Variants in TG observed in about 807,000 individuals in gnomAD.
TG encodes thyroid hormones.
TG carries 270 observed loss-of-function variants against 324.7 expected under a neutral mutation model. The observed-to-expected ratio is 0.83, with a 90% confidence interval of 0.75 to 0.92. The LOEUF (loss-of-function observed/expected upper bound fraction) is 0.92. TG is among the 40% of genes least tolerant of loss of function. The pLI is 0.00. For synonymous variants in TG, 1,401 were observed against 1,327.0 expected (o/e 1.06, Z -1.21); for missense variants, 3,591 against 3,456.4 (o/e 1.04, Z -0.98).
In TG at chr8:132,994,991, A is replaced by G. The variant is rs1482957630; in HGVS notation, c.6262+11579A>G. The G allele has an allele frequency of 1.1e-5, 11 of 973,690 alleles. No individual in the cohort carries two copies. The South Asian group carries it at 4.0e-4, about 35-fold the overall frequency. 60.3% of individuals were successfully genotyped at this position (973,690 alleles called of 1,614,324 possible). On this transcript the variant is annotated intron_variant, in intron 35 of 47. Transcript: ENST00000220616. ...TTTAAATTTCCCTTTAAATTTTGTA[A>G]TTCTCAGCATTGGCTCAGTTATGCT...
chr8:132,957,383 T>A (rs1428118922), intron 27 of TG, among the ~76,000 whole-genome samples: 2 of 152,144 alleles, frequency 1.3e-5, no homozygotes, highest in Non-Finnish European at 2.9e-5. Flanking sequence ...ACAGAGTGTA[T>A]AAGGTGTCAG....
chr8:133,022,029 C>G lies in TG; in HGVS notation c.6915C>G (p.Thr2305=), dbSNP rs1421015381. The G allele has an allele frequency of 2.5e-6, 4 of 1,614,168 alleles. No individual in the cohort carries two copies. The highest frequency in any genetic ancestry group is 3.4e-6 in the Non-Finnish European group (4 of 1,180,038). ...CTGTGCTGGTGTTCTTCCACAACAC[C>G]ATGGACAGGGAGGAGAGTGAAGGAT... is the stretch of plus-strand genomic sequence containing the variant. The part of the protein sequence containing the change: ...NASVLVFFHN[T]MDREESEGWP... Residue 2305 remains threonine, a synonymous_variant, in exon 40 of 48, where the codon ACC becomes ACG. Coordinates refer to ENST00000220616, the MANE Select transcript of TG (RefSeq NM_003235.5).
chr8:132,984,764 A>C (rs1831313650), intron 35 of TG, among the ~76,000 whole-genome samples: 1 of 152,132 alleles, frequency 6.6e-6, no homozygotes, highest in African/African-American at 2.4e-5. Context: ...CAATATGGTG[A>C]AACTCCATCT....
intron 41 of TG, among the ~76,000 whole-genome samples, chr8:133,056,844 A>G (rs1226428606): frequency 6.6e-6 from 1 of 152,128 alleles, no homozygotes; most frequent in Non-Finnish European, 1.5e-5. Context: ...CAGGACTAAA[A>G]GCTGGTCTGT....
intron 40 of TG, among the ~76,000 whole-genome samples, chr8:133,026,568 G>A (rs1407901074): frequency 6.6e-6 from 1 of 152,186 alleles, no homozygotes; most frequent in Non-Finnish European, 1.5e-5. Context: ...CTGGGGTGGT[G>A]GCATCAGACG....
intron 41 of TG, among the ~76,000 whole-genome samples, chr8:133,041,272 A>G (rs931964746): frequency 6.6e-6 from 1 of 152,212 alleles, no homozygotes; most frequent in Non-Finnish European, 1.5e-5. Context: ...CCCACTTCCC[A>G]TCGGGTTTAT....
At chr8:132,960,618 C>T (rs1424841479) in intron 27 of TG, among the ~76,000 whole-genome samples, 1 of 152,200 alleles carries the variant, frequency 6.6e-6, no homozygotes, top group Non-Finnish European at 1.5e-5. Flanking sequence ...TTCTCAAAAT[C>T]GCTGTCCACA....
In TG at chr8:133,015,413, G is replaced by T. The variant is rs16904804; in HGVS notation, c.6562+1649G>T. The stretch of plus-strand genomic sequence containing the variant: ...ACAGATAATTTTCTTAACCCAGGTA[G>T]TCACGTGGCCTCTGTGGGTATTCTA... On this transcript the variant is annotated intron_variant, in intron 37 of 47. Transcript: ENST00000220616. 5.6e-3 allele frequency among the ~76,000 whole-genome samples: 859 copies of T among 152,334 alleles called. 7 individuals carry two copies. Among genetic ancestry groups the T allele is most frequent in the African/African-American group, 0.02 (820 of 41,580 alleles).
At chr8:132,885,243 A>AT (rs770778560) in intron 8 of TG, among the ~76,000 whole-genome samples, 1 of 151,860 alleles carries the variant, frequency 6.6e-6, no homozygotes, top group Non-Finnish European at 1.5e-5. Flanking sequence ...TGAATTTTAC[A>AT]TTTTTTCTCT....
intron 27 of TG, among the ~76,000 whole-genome samples, chr8:132,956,280 T>A (rs1371264934): frequency 2.0e-5 from 3 of 152,234 alleles, no homozygotes; most frequent in African/African-American, 7.2e-5. Flanking sequence ...CCTTCATTTA[T>A]CCTTGCATTT....
intron 16 of TG, among the ~76,000 whole-genome samples, chr8:132,905,303 A>T (rs1340423818): frequency 2.0e-5 from 3 of 152,168 alleles, no homozygotes; most frequent in Non-Finnish European, 4.4e-5. Context: ...AACTCTTGCC[A>T]TCCCACTTAC....
intron 2 of TG, among the ~76,000 whole-genome samples, chr8:132,869,003 C>CGAGTGTGCA (rs1182282583): frequency 6.6e-5 from 10 of 152,190 alleles, no homozygotes; most frequent in Non-Finnish European, 1.3e-4. Context: ...TAACCTCCCA[C>CGAGTGTGCA]GAGTGTGCAG....
At chr8:133,070,119 G>A (rs1843775209) in intron 41 of TG, among the ~76,000 whole-genome samples, 1 of 151,484 alleles carries the variant, frequency 6.6e-6, no homozygotes, top group African/African-American at 2.4e-5. Flanking sequence ...GCTAGTAAAT[G>A]TCAAACAATC....
intron 25 of TG, 86 bp from the exon 26 acceptor site, chr8:132,941,265 A>G: frequency 3.2e-6 from 5 of 1,544,516 alleles, no homozygotes; most frequent in Non-Finnish European, 3.6e-6. Flanking sequence ...AGCTAAGTCA[A>G]CAAACTGTCC....
chr8:132,903,144 G>A (rs1432643467), intron 16 of TG, among the ~76,000 whole-genome samples: 3 of 152,158 alleles, frequency 2.0e-5, no homozygotes, highest in African/African-American at 7.2e-5. Flanking sequence ...GTCATTTATT[G>A]GCCTTATTGA....
intron 35 of TG, among the ~76,000 whole-genome samples, chr8:133,010,771 C>T (rs1916275): frequency 0.091 from 13,915 of 152,208 alleles, 817 homozygotes; most frequent in Middle Eastern, 0.15. Context: ...ATGGGACGAG[C>T]TCACCTCCTC....
chr8:133,094,994 G>A, intron 41 of TG, 50 bp from the exon 42 acceptor site: 1 of 1,611,464 alleles, frequency 6.2e-7, no homozygotes, highest in Middle Eastern at 2.2e-4. Context: ...AGGTGAGCAG[G>A]GGCTGAAGAT....
chr8:132,914,676 C>T (rs2739054), intron 20 of TG, among the ~76,000 whole-genome samples: 61,932 of 152,104 alleles, frequency 0.41, 15,548 homozygotes, highest in Admixed American at 0.53. Context: ...ACAGGAGGGA[C>T]TGTAGCTCAC....
chr8:133,043,535 A>C (rs1838727422), intron 41 of TG, among the ~76,000 whole-genome samples: 1 of 152,208 alleles, frequency 6.6e-6, no homozygotes, highest in South Asian at 2.1e-4. Context: ...AACGCACTAC[A>C]TGAACGATTG....
Sources: allele counts gnomAD v4.1 joint callset (sites outside exome capture counted in the v4.1 genomes callset), GRCh38; gene constraint gnomAD v4.1.1; transcripts MANE v1.5; gene names NCBI Gene and HGNC (gene_info 2026-07-23, HGNC 2026-07-21).